The following LNPEP variants were observed in gnomAD, a reference collection of about 807,000 sequenced individuals.
LNPEP encodes the protein leucyl and cystinyl aminopeptidase, also known as leucyl-cystinyl aminopeptidase.
A neutral mutation model predicts 120.6 loss-of-function variants in LNPEP; 64 were observed. The ratio of observed to expected loss-of-function variants is 0.53; its 90% CI spans 0.43 to 0.65. The LOEUF (loss-of-function observed/expected upper bound fraction) is 0.65. Ranked by LOEUF, LNPEP falls within the 30% of genes least tolerant of loss-of-function variation. LNPEP has a pLI of 0.00. For missense variants in LNPEP, 1,057 were observed against 1,200.0 expected (o/e 0.88, Z 1.76); for synonymous variants, 435 against 425.4 (o/e 1.02, Z -0.28).
intron 2 of LNPEP, among the ~76,000 whole-genome samples, chr5:96,981,954 C>T (rs1271604045): frequency 6.6e-6 from 1 of 152,088 alleles, no homozygotes; most frequent in Non-Finnish European, 1.5e-5. Flanking sequence ...TCATAGTTCT[C>T]ACCTGCCATG....
At chr5:97,022,896 G>A (rs1791242717) in intron 14 of LNPEP, among the ~76,000 whole-genome samples, 1 of 147,844 alleles carries the variant, frequency 6.8e-6, no homozygotes, top group Non-Finnish European at 1.5e-5. Flanking sequence ...TGTCAAACAA[G>A]ACTTTTTAAA....
At position 96,996,491 on chromosome 5, in the gene LNPEP, A is replaced by G; in HGVS notation, c.1509A>G (p.Lys503=). 6.4e-7 allele frequency: 1 copy of G among 1,562,854 alleles called. No homozygotes were observed. The highest frequency in any genetic ancestry group is 8.8e-7 in the Non-Finnish European group (1 of 1,134,262). The part of the protein sequence containing the change: ...MEYFSLEKIF[K]ELSSYEDFLD... Reference sequence around the variant, plus strand: ...ATTTCTCTTTGGAAAAAATATTCAAAGAGCTTTCTAGTGTAAGTACAGGGT... The same window carrying G: ...ATTTCTCTTTGGAAAAAATATTCAAGGAGCTTTCTAGTGTAAGTACAGGGT... The change falls in exon 7 of 18, where the codon AAA becomes AAG. Residue 503 remains lysine, a synonymous_variant. Transcript: ENST00000231368.
In LNPEP at chr5:97,014,952, C is replaced by A; in HGVS notation, c.2233C>A (p.Pro745Thr). The change falls in exon 13 of 18, where the codon CCT (proline) becomes ACT (threonine). Residue 745 changes from proline (P) to threonine (T), a missense_variant. Transcript: ENST00000231368. ...IFELAGLGKV[P>T]LKRAFDLINY... Reference sequence around the variant, plus strand: ...TTTATCCTTTAGCCTAGGCAAGGTACCTCTCAAGAGGGCCTTTGATTTGAT... The same window carrying A: ...TTTATCCTTTAGCCTAGGCAAGGTAACTCTCAAGAGGGCCTTTGATTTGAT... 1.9e-6 allele frequency: 3 copies of A among 1,565,788 alleles called. No homozygotes were observed. Among genetic ancestry groups the A allele is most frequent in the Non-Finnish European group, 2.6e-6 (3 of 1,157,914 alleles).
chr5:96,992,907 A>G, intron 4 of LNPEP, 108 bp from the exon 5 acceptor site: 2 of 770,228 alleles, frequency 2.6e-6, no homozygotes, highest in Non-Finnish European at 4.0e-6. Context: ...GAAGGATCTC[A>G]TACAATTCTA....
intron 11 of LNPEP, chr5:97,010,512 G>A (rs747857482): frequency 1.1e-4 from 104 of 984,428 alleles, no homozygotes; most frequent in Non-Finnish European, 1.1e-4. Flanking sequence ...TCAATAGCAT[G>A]TATGATGCTA....
At chr5:96,959,461 G>A (rs1247107956) in intron 1 of LNPEP, among the ~76,000 whole-genome samples, 1 of 152,080 alleles carries the variant, frequency 6.6e-6, no homozygotes, top group Non-Finnish European at 1.5e-5. Flanking sequence ...ATAGGAATGG[G>A]ATTATTTTGA....
chr5:97,005,523 G>C (rs928791871), intron 9 of LNPEP, among the ~76,000 whole-genome samples: 2 of 152,128 alleles, frequency 1.3e-5, no homozygotes, highest in African/African-American at 2.4e-5. Flanking sequence ...CAACTGACCT[G>C]TTCATATGTC....
chr5:96,980,038 C>T (rs900383938), intron 2 of LNPEP, 60 bp downstream of exon 2: 1 of 1,467,058 alleles, frequency 6.8e-7, no homozygotes, highest in Non-Finnish European at 9.2e-7. Context: ...CAATATAGAT[C>T]CCTTTGTCCA....
intron 2 of LNPEP, among the ~76,000 whole-genome samples, chr5:96,983,519 G>A (rs1387416956): frequency 1.3e-5 from 2 of 151,968 alleles, no homozygotes; most frequent in African/African-American, 2.4e-5. Context: ...AATCTTGGCT[G>A]ACTGCAGCCT....
At chr5:96,939,641 C>A (rs1789007057) in intron 1 of LNPEP, among the ~76,000 whole-genome samples, 1 of 151,778 alleles carries the variant, frequency 6.6e-6, no homozygotes, top group Admixed American at 6.6e-5. Flanking sequence ...CTATGAATCA[C>A]TTTTATTACC....
intron 1 of LNPEP, among the ~76,000 whole-genome samples, chr5:96,959,915 A>G (rs1421891223): frequency 6.6e-6 from 1 of 151,324 alleles, no homozygotes; most frequent in Non-Finnish European, 1.5e-5. Context: ...AATTCAGCCA[A>G]CTACTTTTAA....
Position 97,000,500 on chromosome 5 carries a change from G to A in LNPEP, c.1653+2355G>A, listed in dbSNP as rs1790623893. ...AAACAATGTAGTTTATGCTGAAAAT[G>A]TGATTTCCTTCTGGGTGTCTGGAGT... On this transcript the variant is annotated intron_variant, in intron 8 of 17. Transcript: ENST00000231368. Among the ~76,000 whole-genome samples the A allele has an allele frequency of 2.0e-5, 3 of 152,294 alleles. No homozygotes were observed. In the South Asian group the frequency reaches 6.2e-4, roughly 32 times the overall value.
intron 13 of LNPEP, among the ~76,000 whole-genome samples, chr5:97,019,842 G>C (rs1334240192): frequency 6.6e-6 from 1 of 152,006 alleles, no homozygotes; most frequent in Non-Finnish European, 1.5e-5. Flanking sequence ...CAGTCATTTG[G>C]AATGGTTTTC....
At position 96,979,395 on chromosome 5, in the gene LNPEP, A is replaced by G. The variant is rs781635777; in HGVS notation, c.277A>G (p.Thr93Ala). Residue 93 changes from threonine (T) to alanine (A), a missense_variant, in exon 2 of 18, where the codon ACT becomes GCT. By Grantham distance (58) the Thr-to-Ala change is moderately conservative. Coordinates refer to ENST00000231368, the MANE Select transcript of LNPEP (RefSeq NM_005575.3). ...NRSSGLRNSA[T>A]GYRQSPDGAC... Reference sequence around the variant, plus strand: ...AAGCTCAGGCCTTCGGAACAGTGCAACTGGTTACAGGCAGAGCCCAGATGG... The same window carrying G: ...AAGCTCAGGCCTTCGGAACAGTGCAGCTGGTTACAGGCAGAGCCCAGATGG... 32 of 1,613,956 alleles carry G rather than the reference A, an allele frequency of 2.0e-5. No homozygotes were observed. Among genetic ancestry groups the G allele is most frequent in the South Asian group, 3.3e-5 (3 of 91,078 alleles).
chr5:97,012,780 A>G (rs897394500), intron 11 of LNPEP, among the ~76,000 whole-genome samples: 4 of 152,210 alleles, frequency 2.6e-5, no homozygotes, highest in Non-Finnish European at 5.9e-5. Context: ...ATTAGTTGAC[A>G]TAATTCCATG....
intron 15 of LNPEP, among the ~76,000 whole-genome samples, chr5:97,025,282 C>T (rs553827046): frequency 7.2e-5 from 11 of 152,108 alleles, no homozygotes; most frequent in African/African-American, 1.4e-4. Flanking sequence ...TGTTAGAAGT[C>T]GCACTGAGGA....
At position 97,031,317 on chromosome 5, in the gene LNPEP, T is replaced by A. The variant is rs1791463855; in HGVS notation, c.*2784T>A. On this transcript the variant is annotated 3_prime_UTR_variant, in exon 18 of 18. Coordinates refer to ENST00000231368, the MANE Select transcript of LNPEP (RefSeq NM_005575.3). ...ATGGTTAGATATATTAAACTGCAAG[T>A]AGTATCAGCTTCACCATAAGCTTGG... is the stretch of plus-strand genomic sequence containing the variant. 6.6e-6 allele frequency: 1 copy of A among 152,148 alleles called. No individual in the cohort carries two copies. Among genetic ancestry groups the A allele is most frequent in the Non-Finnish European group, 1.5e-5 (1 of 68,032 alleles). 9.4% of individuals were successfully genotyped at this position (152,148 alleles called of 1,614,324 possible).
chr5:96,998,575 C>T (rs1790573170), intron 8 of LNPEP, among the ~76,000 whole-genome samples: 3 of 152,142 alleles, frequency 2.0e-5, no homozygotes, highest in Non-Finnish European at 4.4e-5. Flanking sequence ...CTGAAACACA[C>T]GCCCTGGGTT....
chr5:97,015,995 C>T (rs1172930765), intron 13 of LNPEP, among the ~76,000 whole-genome samples: 1 of 152,002 alleles, frequency 6.6e-6, no homozygotes, highest in Non-Finnish European at 1.5e-5. Flanking sequence ...CTGTTACTGC[C>T]TTACCCTGCG....
Sources: allele counts gnomAD v4.1 joint callset (sites outside exome capture counted in the v4.1 genomes callset), GRCh38; gene constraint gnomAD v4.1.1; transcripts MANE v1.5; gene names NCBI Gene and HGNC (gene_info 2026-07-23, HGNC 2026-07-21).